Variants in C2CD3 observed in about 807,000 individuals in gnomAD.
C2CD3 encodes C2 domain containing 3 centriole elongation regulator.
Under a neutral mutation model 234.0 loss-of-function variants are expected in C2CD3, and 148 were observed. The ratio of observed to expected loss-of-function variants is 0.63; its 90% CI spans 0.55 to 0.72. C2CD3 has a LOEUF of 0.72. Among genes scored for constraint, C2CD3 ranks in the 30% least tolerant of loss-of-function variants. C2CD3 has a pLI of 0.00. For synonymous variants in C2CD3, 1,000 were observed against 1,035.4 expected (o/e 0.97, Z 0.66); for missense variants, 2,577 against 2,811.5 (o/e 0.92, Z 1.89).
intron 23 of C2CD3, among the ~76,000 whole-genome samples, chr11:74,077,097 GCT>G (rs1235329453): frequency 2.6e-5 from 4 of 151,954 alleles, no homozygotes; most frequent in African/African-American, 9.7e-5. Context: ...TTTCTTTTCT[GCT>G]CTGTTTATTA....
At chr11:74,018,907 G>A (rs545651002) in intron 32 of C2CD3, among the ~76,000 whole-genome samples, 3 of 152,120 alleles carry the variant, frequency 2.0e-5, no homozygotes, top group African/African-American at 7.2e-5. Context: ...TGCTCCCTCC[G>A]TGCCACACCC....
At chr11:74,122,427 T>C (rs1425540175) in intron 8 of C2CD3, among the ~76,000 whole-genome samples, 1 of 152,178 alleles carries the variant, frequency 6.6e-6, no homozygotes, top group Non-Finnish European at 1.5e-5. Context: ...AGTATGAACC[T>C]TCACACATAT....
chr11:74,070,204 C>T (rs926976507), intron 24 of C2CD3, among the ~76,000 whole-genome samples: 4 of 152,158 alleles, frequency 2.6e-5, no homozygotes, highest in Non-Finnish European at 5.9e-5. Context: ...TGATCTTAAC[C>T]GAAGGTTCCT....
chr11:74,019,980 G>A (rs1464575527), intron 32 of C2CD3, among the ~76,000 whole-genome samples: 3 of 152,188 alleles, frequency 2.0e-5, no homozygotes, highest in Non-Finnish European at 2.9e-5. Context: ...TGAGAACATC[G>A]GGTGGGAGTG....
chr11:74,039,453 C>T (rs762015674), intron 29 of C2CD3, among the ~76,000 whole-genome samples: 107 of 152,334 alleles, frequency 7.0e-4, no homozygotes, highest in African/African-American at 2.5e-3. Context: ...CTAGGACCAG[C>T]TGCAGCAGCA....
rs1565281148 is a variant in C2CD3 at position 74,090,832 on chromosome 11, CA to C, written c.3621del (p.Cys1207TrpfsTer66). On this transcript the variant is annotated frameshift_variant, in exon 20 of 33. Coordinates refer to ENST00000334126, the MANE Select transcript of C2CD3 (RefSeq NM_001286577.2). LOFTEE classifies it high-confidence loss of function. ...ACTTACTTGGCTGCTGCTTGCAGAC[CA>C]CAGGCTCTGATAATCTGGACTGAGA... Reference protein sequence around the residue: ...VSISVQIIRACGLQAAAKALA... With the variant: ...VSISVQIIRAXGLQAAAKALA... The C allele has an allele frequency of 6.2e-7, 1 of 1,614,132 alleles. No homozygotes were observed. The highest frequency in any genetic ancestry group is 1.1e-5 in the South Asian group (1 of 91,084).
Position 74,123,092 on chromosome 11 carries a change from G to A in C2CD3, c.1261C>T (p.Pro421Ser), listed in dbSNP as rs535123450. The change falls in exon 8 of 33, where the codon CCT becomes TCT. Residue 421 changes from proline to serine, a missense_variant. Coordinates refer to ENST00000334126, the MANE Select transcript of C2CD3 (RefSeq NM_001286577.2). ...QGNFWDGLGS[P>S]PDSPSPGSDV... ...CTCCCAGGAGATGGGGAATCTGGAG[G>A]AGAGCCTAGCCCATCCCAGAAATTG... is the stretch of plus-strand genomic sequence containing the variant. 10 of 1,612,800 alleles carry A rather than the reference G, an allele frequency of 6.2e-6. No homozygotes were observed. In the East Asian group the frequency reaches 2.2e-4, roughly 36 times the overall value.
chr11:74,114,289 C>G, intron 10 of C2CD3, 95 bp downstream of exon 10: 1 of 828,616 alleles, frequency 1.2e-6, no homozygotes, highest in East Asian at 2.7e-5. Context: ...TATGAAAACA[C>G]ATCCCAAATC....
chr11:74,066,883 A>C (rs1417945474), intron 24 of C2CD3, among the ~76,000 whole-genome samples: 1 of 152,244 alleles, frequency 6.6e-6, no homozygotes, highest in Non-Finnish European at 1.5e-5. Context: ...CTCAGAGAAG[A>C]GTAAACATTA....
At chr11:74,031,997 T>C (rs1474323196) in intron 31 of C2CD3, among the ~76,000 whole-genome samples, 1 of 152,204 alleles carries the variant, frequency 6.6e-6, no homozygotes, top group Non-Finnish European at 1.5e-5. Context: ...CTGTGTGGTG[T>C]GTACAAATGT....
intron 9 of C2CD3, among the ~76,000 whole-genome samples, chr11:74,114,843 A>G (rs192591101): frequency 3.4e-4 from 51 of 152,194 alleles, no homozygotes; most frequent in African/African-American, 1.2e-3. Context: ...CTGGGACCAC[A>G]AGCATGGGTC....
In C2CD3 at chr11:74,168,432, A is replaced by T. The variant is rs1309629973; in HGVS notation, c.237T>A (p.Asp79Glu). 11 of 1,614,030 alleles carry T rather than the reference A, an allele frequency of 6.8e-6. No individual in the cohort carries two copies. Among genetic ancestry groups the T allele is most frequent in the Non-Finnish European group, 9.3e-6 (11 of 1,179,870 alleles). Residue 79 changes from aspartate to glutamate, a missense_variant, in exon 2 of 33, where the codon GAT becomes GAA. Physicochemically the swap from Asp to Glu is conservative, Grantham distance 45. Coordinates refer to ENST00000334126, the MANE Select transcript of C2CD3 (RefSeq NM_001286577.2). The part of the protein sequence containing the change: ...TSDGTLFCPR[D>E]ALQTEPKAVR... ...CAGCTTTTGGTTCAGTCTGCAATGCATCCCTGGGACAAAAGAGGGTTCCAT... is the reference window on the plus strand; with the variant it reads ...CAGCTTTTGGTTCAGTCTGCAATGCTTCCCTGGGACAAAAGAGGGTTCCAT...
chr11:74,043,055 G>A (rs1287717307), intron 28 of C2CD3, among the ~76,000 whole-genome samples: 3 of 152,124 alleles, frequency 2.0e-5, no homozygotes, highest in Non-Finnish European at 4.4e-5. Flanking sequence ...TTATTCAATG[G>A]TTTTTAGTAT....
chr11:74,025,048 C>G (rs1565204308), intron 32 of C2CD3, among the ~76,000 whole-genome samples: 1 of 151,996 alleles, frequency 6.6e-6, no homozygotes, highest in Non-Finnish European at 1.5e-5. Flanking sequence ...ATTATCTTCT[C>G]AAAAGTAGAC....
intron 32 of C2CD3, among the ~76,000 whole-genome samples, chr11:74,022,901 A>G (rs929309960): frequency 2.0e-5 from 3 of 152,250 alleles, no homozygotes; most frequent in African/African-American, 4.8e-5. Flanking sequence ...CAGAAGTTGA[A>G]GTAGCATGGG....
At chr11:74,149,704 A>G (rs1335476866) in intron 3 of C2CD3, among the ~76,000 whole-genome samples, 1 of 151,818 alleles carries the variant, frequency 6.6e-6, no homozygotes, top group Non-Finnish European at 1.5e-5. Context: ...AAATCAAGGG[A>G]TTCTCTTCGG....
chr11:74,070,391 T>C lies in C2CD3; in HGVS notation c.4951+3862A>G, dbSNP rs553471579. The C allele has an allele frequency of 5.2e-5, 8 of 152,384 alleles. No individual in the cohort carries two copies. The South Asian group carries it at 1.2e-3, about 24-fold the overall frequency. The allele number at this position is 152,384 out of a possible 1,614,324, so 9.4% of individuals were successfully genotyped here. A position where few individuals can be genotyped will look rare whatever the true frequency, so the allele number is the denominator to read the frequency against. On this transcript the variant is annotated intron_variant, in intron 24 of 32. Coordinates refer to ENST00000334126, the MANE Select transcript of C2CD3 (RefSeq NM_001286577.2). Reference sequence around the variant, plus strand: ...ATAAAGGTTTGCATGAAGGAACCACTCATTTCCTTCCTTAAGAAAGAGCTT... The same window carrying C: ...ATAAAGGTTTGCATGAAGGAACCACCCATTTCCTTCCTTAAGAAAGAGCTT...
chr11:74,029,107 C>T (rs1416733237), intron 31 of C2CD3, among the ~76,000 whole-genome samples: 1 of 152,232 alleles, frequency 6.6e-6, no homozygotes, highest in Non-Finnish European at 1.5e-5. Flanking sequence ...TGTTATCTTG[C>T]ACTTCTCCTC....
At chr11:74,149,788 G>T (rs1223955109) in intron 3 of C2CD3, among the ~76,000 whole-genome samples, 2 of 151,854 alleles carry the variant, frequency 1.3e-5, no homozygotes, top group Non-Finnish European at 2.9e-5. Context: ...CCTCATTTTG[G>T]CAGAGAAAGT....
Sources: gnomAD v4.1 joint callset for allele counts (sites outside exome capture counted in the v4.1 genomes callset) on GRCh38, gnomAD v4.1.1 for gene constraint, MANE v1.5 for transcripts, NCBI Gene and HGNC (gene_info 2026-07-23, HGNC 2026-07-21) for gene names.